The following TNC variants were observed in gnomAD, a reference collection of about 807,000 sequenced individuals.
The protein encoded by TNC is tenascin.
A neutral mutation model predicts 202.4 loss-of-function variants in TNC; 109 were observed. The ratio of observed to expected loss-of-function variants is 0.54; its 90% CI spans 0.46 to 0.63. The LOEUF (loss-of-function observed/expected upper bound fraction) is 0.63. Among genes scored for constraint, TNC ranks in the 30% least tolerant of loss-of-function variants. The probability of loss-of-function intolerance (pLI) is 0.00; values close to 1 mark genes in which losing one functional copy is unlikely to be tolerated. For missense variants in TNC, 2,756 were observed against 2,833.3 expected (o/e 0.97, Z 0.62); for synonymous variants, 1,007 against 1,089.7 (o/e 0.92, Z 1.50).
chr9:115,100,646 G>A (rs542898649), intron 1 of TNC, among the ~76,000 whole-genome samples: 4 of 152,262 alleles, frequency 2.6e-5, no homozygotes, highest in African/African-American at 9.6e-5. Context: ...AAAAAGGAGT[G>A]CATATGTACG....
chr9:115,100,242 G>A (rs973268322), intron 1 of TNC, among the ~76,000 whole-genome samples: 6 of 152,176 alleles, frequency 3.9e-5, no homozygotes, highest in Non-Finnish European at 8.8e-5. Flanking sequence ...AATCATGCTT[G>A]AGCAGGACTT....
intron 1 of TNC, among the ~76,000 whole-genome samples, chr9:115,103,986 A>G (rs1177297666): frequency 6.6e-6 from 1 of 152,186 alleles, no homozygotes; most frequent in African/African-American, 2.4e-5. Flanking sequence ...ATACATTCAG[A>G]CCACAAACTG....
rs1832729687 is a variant in TNC at position 115,063,800 on chromosome 9, C to T, written c.3756G>A (p.Leu1252=). The T allele has an allele frequency of 1.9e-6, 3 of 1,610,284 alleles. No individual in the cohort carries two copies. The highest frequency in any genetic ancestry group is 2.2e-5 in the South Asian group (2 of 90,908). ...FSTTPLSVEV[L]TEEVPDMGNL... ...TAGTGAATTCGTCTAGAATACCTGT[C>T]AAGACTTCAACAGAGAGAGGGGTTG... Residue 1252 remains leucine (L), a synonymous_variant, in exon 12 of 28, where the codon TTG becomes TTA. Coordinates refer to ENST00000350763, the MANE Select transcript of TNC (RefSeq NM_002160.4).
chr9:115,116,200 A>G (rs1034453797), intron 1 of TNC, among the ~76,000 whole-genome samples: 6 of 152,202 alleles, frequency 3.9e-5, no homozygotes, highest in African/African-American at 1.4e-4. Context: ...GTGGGATAAA[A>G]TAGAGAAGCT....
intron 10 of TNC, among the ~76,000 whole-genome samples, chr9:115,067,546 G>T (rs564646817): frequency 2.0e-4 from 30 of 152,194 alleles, no homozygotes; most frequent in African/African-American, 7.0e-4. Flanking sequence ...TACCTTACGG[G>T]GGGTGGGGGA....
Position 115,057,327 on chromosome 9 carries a change from T to C in TNC, c.4405A>G (p.Thr1469Ala). ...MATDGIFETF[T>A]IEIIDSNRLL... ...CTATTGGAATCAATAATTTCAATGG[T>C]AAAGGTCTCGAAGATCCCATCGGTA... Residue 1469 changes from threonine to alanine, a missense_variant, in exon 15 of 28, where the codon ACC becomes GCC. Thr to Ala is a moderately conservative substitution (Grantham distance 58). Around this residue, in one of 2 missense-constraint regions of TNC, gnomAD observed 2,559 missense variants for 2,546.0 expected, o/e 1.01. Transcript: ENST00000350763. 6.2e-7 allele frequency: 1 copy of C among 1,614,144 alleles called. No individual in the cohort carries two copies.
intron 1 of TNC, among the ~76,000 whole-genome samples, chr9:115,094,126 A>G (rs1211020185): frequency 1.3e-5 from 2 of 152,220 alleles, no homozygotes; most frequent in African/African-American, 4.8e-5. Flanking sequence ...ATTAAGGATT[A>G]GAGACCTGTA....
intron 1 of TNC, among the ~76,000 whole-genome samples, chr9:115,107,988 C>T (rs1406445632): frequency 5.9e-5 from 9 of 152,050 alleles, no homozygotes; most frequent in Admixed American, 5.2e-4. Context: ...CACTTATTAG[C>T]CTTGGGTAGA....
intron 1 of TNC, among the ~76,000 whole-genome samples, chr9:115,105,745 G>A (rs1349113477): frequency 1.3e-5 from 2 of 152,096 alleles, no homozygotes; most frequent in Non-Finnish European, 2.9e-5. Context: ...ACGTTGATAG[G>A]TACTAATCTG....
chr9:115,096,834 G>A (rs1359871033), intron 1 of TNC, among the ~76,000 whole-genome samples: 2 of 152,102 alleles, frequency 1.3e-5, no homozygotes, highest in Admixed American at 6.6e-5. Context: ...TTGTCCTTGG[G>A]TTAAGAAATA....
chr9:115,058,928 T>A (rs569030930), intron 14 of TNC, among the ~76,000 whole-genome samples: 1 of 152,254 alleles, frequency 6.6e-6, no homozygotes, highest in East Asian at 1.9e-4. Flanking sequence ...TGCACCCTCC[T>A]GGGTCTGGGG....
intron 6 of TNC, among the ~76,000 whole-genome samples, chr9:115,078,434 TAAGAG>T (rs1834050178): frequency 6.6e-6 from 1 of 151,994 alleles, no homozygotes; most frequent in South Asian, 2.1e-4. Flanking sequence ...TTTCAAATCT[TAAGAG>T]AGATAAAGCT....
At chr9:115,033,315 C>T (rs556219854) in intron 22 of TNC, among the ~76,000 whole-genome samples, 2 of 152,058 alleles carry the variant, frequency 1.3e-5, no homozygotes, top group African/African-American at 4.8e-5. Flanking sequence ...CTTTTTGCAG[C>T]CCCCCAGTTC....
chr9:115,027,986 G>A (rs1000777884), intron 25 of TNC, among the ~76,000 whole-genome samples: 10 of 152,130 alleles, frequency 6.6e-5, no homozygotes, highest in African/African-American at 1.9e-4. Context: ...TTAGGCTTCC[G>A]TATATCTCAA....
At chr9:115,075,983 A>C (rs774589506) in intron 9 of TNC, 49 bp downstream of exon 9, 8 of 1,549,134 alleles carry the variant, frequency 5.2e-6, no homozygotes, top group Non-Finnish European at 7.1e-6. Context: ...ACTCTGTCTC[A>C]TCTGCCCAGC....
At chr9:115,105,885 C>T (rs1366805804) in intron 1 of TNC, among the ~76,000 whole-genome samples, 6 of 152,114 alleles carry the variant, frequency 3.9e-5, no homozygotes, top group Admixed American at 6.6e-5. Context: ...GGTTCATGCT[C>T]GTTGGAAATC....
Position 115,020,343 on chromosome 9 carries a change from A to G in TNC, c.*814T>C, listed in dbSNP as rs545953779. On this transcript the variant is annotated 3_prime_UTR_variant, in exon 28 of 28. Transcript: ENST00000350763. The stretch of plus-strand genomic sequence containing the variant: ...GTTGGGATTACAGGCCTGGCCTGTA[A>G]GCTTTTCCCAAGTGTGTTCAACTTT... 35 of 157,240 alleles carry G rather than the reference A, an allele frequency of 2.2e-4. No homozygotes were observed. Among genetic ancestry groups the G allele is most frequent in the Non-Finnish European group, 2.4e-4 (17 of 72,068 alleles). 9.7% of individuals were successfully genotyped at this position (157,240 alleles called of 1,614,324 possible). A position where few individuals can be genotyped will look rare whatever the true frequency, so the allele number is the denominator to read the frequency against.
chr9:115,074,550 T>C (rs1374940359), intron 9 of TNC, among the ~76,000 whole-genome samples: 3 of 152,246 alleles, frequency 2.0e-5, no homozygotes, highest in Non-Finnish European at 4.4e-5. Flanking sequence ...CTTATTCTTG[T>C]TACAGTAACT....
intron 1 of TNC, among the ~76,000 whole-genome samples, chr9:115,109,044 T>C (rs1836839200): frequency 6.6e-6 from 1 of 152,216 alleles, no homozygotes; most frequent in Admixed American, 6.5e-5. Context: ...TAAAACTATG[T>C]ATTGAATGGA....
Sources: allele counts gnomAD v4.1 joint callset (sites outside exome capture counted in the v4.1 genomes callset), GRCh38; gene constraint gnomAD v4.1.1; regional missense constraint gnomAD v4.1.1; transcripts MANE v1.5; gene names NCBI Gene and HGNC (gene_info 2026-07-23, HGNC 2026-07-21).